Variants in ACSM4 observed in about 807,000 individuals in gnomAD.
ACSM4 encodes the protein acyl-CoA synthetase medium chain family member 4, also known as acyl-coenzyme A synthetase ACSM4, mitochondrial.
In ACSM4, 66 loss-of-function variants were observed where a neutral mutation model predicts 73.0. The observed-to-expected ratio is 0.90, with a 90% CI of 0.74 to 1.11. The LOEUF is 1.11. Ranked by LOEUF, ACSM4 falls within the 50% of genes least tolerant of loss-of-function variation. ACSM4 has a pLI of 0.00. For missense variants in ACSM4, 645 were observed against 714.4 expected (o/e 0.90, Z 1.11); for synonymous variants, 222 against 254.0 (o/e 0.87, Z 1.20).
rs1290852605 is a variant in ACSM4 at position 7,324,368 on chromosome 12, C to T, written c.1404C>T (p.Val468=). The change falls in exon 10 of 13, where the codon GTC becomes GTT. Residue 468 remains valine (V), a synonymous_variant. Coordinates refer to ENST00000399422, the MANE Select transcript of ACSM4 (RefSeq NM_001080454.2). Reference sequence around the variant, plus strand: ...ACAGTGATGGGTATTTCTGGTTTGTCGGCAGAGCTGATGATGTCATTATAT... The same window carrying T: ...ACAGTGATGGGTATTTCTGGTTTGTTGGCAGAGCTGATGATGTCATTATAT... The part of the protein sequence containing the change: ...VMDSDGYFWF[V]GRADDVIISS... 9 of 1,614,034 alleles carry T rather than the reference C, an allele frequency of 5.6e-6. No homozygotes were observed. Among genetic ancestry groups the T allele is most frequent in the South Asian group, 4.4e-5 (4 of 91,066 alleles).
At chr12:7,323,878 A>T (rs1946483379) in intron 9 of ACSM4, among the ~76,000 whole-genome samples, 1 of 152,126 alleles carries the variant, frequency 6.6e-6, no homozygotes, top group Non-Finnish European at 1.5e-5. Context: ...ACTATCTTTT[A>T]AAAAAATTTA....
chr12:7,321,961 T>C (rs1489685527), intron 6 of ACSM4, among the ~76,000 whole-genome samples: 1 of 152,216 alleles, frequency 6.6e-6, no homozygotes, highest in Non-Finnish European at 1.5e-5. Context: ...CAGTCCTTTA[T>C]TACATGGAAG....
rs1591842149 is a variant in ACSM4 at position 7,310,446 on chromosome 12, G to C, written c.413-93G>C. 7.2e-6 allele frequency: 9 copies of C among 1,247,446 alleles called. 1 individual carries two copies. The Middle Eastern group carries it at 1.1e-3, about 147-fold the overall frequency. 77.3% of individuals were successfully genotyped at this position (1,247,446 alleles called of 1,614,324 possible). ...AGGTAGCTGAGGTAGCTGAAGAATG[G>C]ATTGTGATGCTTCTCCTCACCGAGG... On this transcript the variant is annotated intron_variant, in intron 2 of 12. Coordinates refer to ENST00000399422, the MANE Select transcript of ACSM4 (RefSeq NM_001080454.2).
At chr12:7,317,410 T>C in intron 4 of ACSM4, 130 bp downstream of exon 4, 1 of 1,298,030 alleles carries the variant, frequency 7.7e-7, no homozygotes, top group South Asian at 1.8e-5. Flanking sequence ...AAAACAGAAC[T>C]CTTGCTGGCC....
At position 7,317,200 on chromosome 12, in the gene ACSM4, C is replaced by G. The variant is rs567988088; in HGVS notation, c.684C>G (p.Phe228Leu). The G allele has an allele frequency of 2.0e-4, 325 of 1,612,234 alleles. 6 individuals are homozygous for G. The South Asian group carries it at 3.4e-3, about 17-fold the overall frequency. ...TGSQEPMTIY[F>L]TSGTTGFPKM... ...GTCAAGAACCAATGACCATTTATTT[C>G]ACCAGTGGGACCACAGGCTTTCCTA... The change falls in exon 4 of 13, where the codon TTC (phenylalanine) becomes TTG (leucine). Residue 228 changes from phenylalanine to leucine, a missense_variant. By Grantham distance (22) the Phe-to-Leu change is conservative (BLOSUM62 0). Coordinates refer to ENST00000399422, the MANE Select transcript of ACSM4 (RefSeq NM_001080454.2).
rs373040986 is a variant in ACSM4, at chr12:7,306,622, G to C, written c.291G>C (p.Leu97Phe). The stretch of plus-strand genomic sequence containing the variant: ...GGAGCTTCAGAGAACTGGGCTCCTT[G>C]TCCCGAAAAGCTGCCAACGTGCTCA... ...VKWSFRELGS[L>F]SRKAANVLTK... is the part of the protein sequence containing the mutation. Residue 97 changes from leucine (L) to phenylalanine (F), a missense_variant, in exon 2 of 13, where the codon TTG becomes TTC. Physicochemically the swap from Leu to Phe is conservative, Grantham distance 22. Transcript: ENST00000399422. 4.4e-6 allele frequency: 7 copies of C among 1,605,024 alleles called. No homozygotes were observed. Among genetic ancestry groups the C allele is most frequent in the Non-Finnish European group, 6.0e-6 (7 of 1,175,958 alleles).
At chr12:7,320,902 A>C in intron 6 of ACSM4, 98 bp downstream of exon 6, 6 of 1,044,852 alleles carry the variant, frequency 5.7e-6, no homozygotes, top group African/African-American at 1.6e-5. Context: ...AGGCTTTCTC[A>C]GTCTTACCAC....
At chr12:7,310,820 C>T in intron 3 of ACSM4, 74 bp downstream of exon 3, 2 of 1,412,468 alleles carry the variant, frequency 1.4e-6, no homozygotes, top group African/African-American at 1.4e-5. Flanking sequence ...AATCTCTTTG[C>T]CTCCAAGGAC....
At chr12:7,314,641 T>C (rs1327956837) in intron 3 of ACSM4, among the ~76,000 whole-genome samples, 1 of 152,124 alleles carries the variant, frequency 6.6e-6, no homozygotes, top group African/African-American at 2.4e-5. Flanking sequence ...GATAGATAGA[T>C]GATAGATAGA....
chr12:7,323,842 A>G (rs932233004), intron 9 of ACSM4, among the ~76,000 whole-genome samples: 31 of 152,122 alleles, frequency 2.0e-4, no homozygotes, highest in African/African-American at 7.2e-4. Flanking sequence ...TATACTCTTT[A>G]TGACCTTTTG....
intron 5 of ACSM4, chr12:7,318,395 C>A: frequency 1.9e-6 from 1 of 529,920 alleles, no homozygotes; most frequent in Non-Finnish European, 3.2e-6. Flanking sequence ...GAAATCCAGA[C>A]TTCTGCTTCA....
At chr12:7,327,978 C>A (rs1946521773) in intron 12 of ACSM4, among the ~76,000 whole-genome samples, 1 of 152,068 alleles carries the variant, frequency 6.6e-6, no homozygotes. Context: ...GCTGTAATCT[C>A]CATTTCTCGG....
At chr12:7,305,921 GGAA>G (rs1299656256) in intron 1 of ACSM4, among the ~76,000 whole-genome samples, 1 of 152,142 alleles carries the variant, frequency 6.6e-6, no homozygotes, top group Non-Finnish European at 1.5e-5. Flanking sequence ...AGAATGATGG[GGAA>G]GAAGTTACCT....
intron 5 of ACSM4, among the ~76,000 whole-genome samples, chr12:7,320,236 T>G (rs1040546954): frequency 1.1e-4 from 17 of 152,136 alleles, no homozygotes; most frequent in Admixed American, 2.0e-4. Context: ...TTTTAAAAAT[T>G]AAGAAAAGGC....
chr12:7,307,752 A>G (rs1412917883), intron 2 of ACSM4, among the ~76,000 whole-genome samples: 1 of 152,202 alleles, frequency 6.6e-6, no homozygotes, highest in Non-Finnish European at 1.5e-5. Context: ...ATTTATTTAT[A>G]CACCGTCTAT....
In ACSM4 at chr12:7,327,068, A is replaced by G. The variant is rs1185851753; in HGVS notation, c.1629A>G (p.Ser543=). 6.2e-7 allele frequency: 1 copy of G among 1,610,028 alleles called. No homozygotes were observed. Among genetic ancestry groups the G allele is most frequent in the Admixed American group, 1.7e-5 (1 of 59,520 alleles). The change falls in exon 12 of 13, where the codon TCA becomes TCG. Residue 543 remains serine (S), a synonymous_variant. Transcript: ENST00000399422. ...TLELQDHVKK[S]TAPYKYPRKV... ...AACTTCAGGATCATGTGAAAAAATC[A>G]ACTGCACCTTACAAATATCCAAGAA...
intron 3 of ACSM4, among the ~76,000 whole-genome samples, chr12:7,312,651 C>T (rs1283461521): frequency 6.6e-6 from 1 of 152,134 alleles, no homozygotes; most frequent in Non-Finnish European, 1.5e-5. Flanking sequence ...AGTGAGGTAA[C>T]ATTGCTGAAA....
chr12:7,322,505 G>T lies in ACSM4; in HGVS notation c.1089G>T (p.Gly363=), dbSNP rs978702494. The stretch of plus-strand genomic sequence containing the variant: ...TGGAGCAGTGGAGGGTGCAAACTGG[G>T]CTGGAGCTATATGAGGGCTATGGAC... ...EVLEQWRVQT[G]LELYEGYGQT... The change falls in exon 7 of 13, where the codon GGG becomes GGT. Residue 363 remains glycine, a synonymous_variant. Transcript: ENST00000399422. 4 of 1,613,756 alleles carry T rather than the reference G, an allele frequency of 2.5e-6. No homozygotes were observed. The highest frequency in any genetic ancestry group is 3.4e-6 in the Non-Finnish European group (4 of 1,179,852).
At chr12:7,318,275 C>T in intron 5 of ACSM4, 93 bp downstream of exon 5, 1 of 1,488,330 alleles carries the variant, frequency 6.7e-7, no homozygotes, top group Non-Finnish European at 9.0e-7. Context: ...TACAAGGCTT[C>T]TTGGGCTTTT....
Sources: allele counts gnomAD v4.1 joint callset (sites outside exome capture counted in the v4.1 genomes callset), GRCh38; gene constraint gnomAD v4.1.1; transcripts MANE v1.5; gene names NCBI Gene and HGNC (gene_info 2026-07-23, HGNC 2026-07-21).